VWC2: variants seen among roughly 807,000 people sequenced by gnomAD.
VWC2 encodes von Willebrand factor C domain containing 2, also known as brorin.
Under a neutral mutation model 29.8 loss-of-function variants are expected in VWC2, and 14 were observed. That is an observed-to-expected ratio of 0.47 (90% CI 0.31 to 0.74). VWC2 has a LOEUF of 0.74. Among genes scored for constraint, VWC2 ranks in the 30% least tolerant of loss-of-function variants. The probability of loss-of-function intolerance (pLI) is 0.05; values close to 1 mark genes in which losing one functional copy is unlikely to be tolerated. For missense variants in VWC2, 457 were observed against 459.8 expected, an observed-to-expected ratio of 0.99 and a Z score of 0.05; for synonymous variants, 213 against 199.0, an observed-to-expected ratio of 1.07 and a Z score of -0.59.
rs57768700 is a variant in VWC2 at position 49,859,790 on chromosome 7, GCA to G, written c.827-52210_827-52209del. ...GATGTGTCTTACAGTGCGCGTGCGTGCACACACACACACACACACACACACAC... is the reference window on the plus strand; with the variant it reads ...GATGTGTCTTACAGTGCGCGTGCGTGCACACACACACACACACACACACAC... On this transcript the variant is annotated intron_variant, in intron 3 of 3. Coordinates refer to ENST00000340652, the MANE Select transcript of VWC2 (RefSeq NM_198570.5). Among the ~76,000 whole-genome samples, 87 of 12,002 alleles carry G rather than the reference GCA, an allele frequency of 7.2e-3. 1 individual carries two copies. The highest frequency in any genetic ancestry group is 9.4e-3 in the Admixed American group (9 of 958). 7.9% of individuals were successfully genotyped at this position (12,002 alleles called of 152,430 possible). A position where few individuals can be genotyped will look rare whatever the true frequency, so the allele number is the denominator to read the frequency against.
intron 2 of VWC2, among the ~76,000 whole-genome samples, chr7:49,791,615 G>T (rs577836665): frequency 6.6e-6 from 1 of 152,286 alleles, no homozygotes; most frequent in African/African-American, 2.4e-5. Flanking sequence ...CTTTTCAGGA[G>T]TTATCTCCCA....
At chr7:49,825,156 T>C (rs1376796140) in intron 3 of VWC2, among the ~76,000 whole-genome samples, 1 of 152,210 alleles carries the variant, frequency 6.6e-6, no homozygotes, top group Non-Finnish European at 1.5e-5. Flanking sequence ...AATGAGTTTT[T>C]CATTTCAGTT....
chr7:49,822,654 G>A (rs1261436815), intron 3 of VWC2, among the ~76,000 whole-genome samples: 1 of 152,192 alleles, frequency 6.6e-6, no homozygotes, highest in African/African-American at 2.4e-5. Context: ...GGCCAGGCTG[G>A]TCTCGAACTC....
chr7:49,792,216 T>G (rs1236100570), intron 2 of VWC2, among the ~76,000 whole-genome samples: 1 of 152,218 alleles, frequency 6.6e-6, no homozygotes, highest in African/African-American at 2.4e-5. Context: ...AGCGGACGAC[T>G]GTAATTCATC....
intron 3 of VWC2, among the ~76,000 whole-genome samples, chr7:49,873,922 CA>C (rs1004741809): frequency 3.4e-5 from 5 of 147,922 alleles, no homozygotes; most frequent in African/African-American, 1.0e-4. Context: ...AAAAAAACAA[CA>C]AAAAAAAGAT....
chr7:49,839,606 CAA>C (rs5884132), intron 3 of VWC2, among the ~76,000 whole-genome samples: 4 of 141,690 alleles, frequency 2.8e-5, no homozygotes, highest in East Asian at 2.1e-4. Context: ...AAACAAGAGC[CAA>C]AAAAAAAAAA....
At chr7:49,911,821 C>T (rs1384080341) in intron 3 of VWC2, among the ~76,000 whole-genome samples, 3 of 151,548 alleles carry the variant, frequency 2.0e-5, no homozygotes, top group African/African-American at 4.9e-5. Flanking sequence ...TGCCTGAATC[C>T]GGGAGGCAGA....
At chr7:49,817,581 A>T (rs183365683) in intron 3 of VWC2, among the ~76,000 whole-genome samples, 43 of 152,342 alleles carry the variant, frequency 2.8e-4, no homozygotes, top group Admixed American at 2.4e-3. Flanking sequence ...CAGAAGACAC[A>T]TTCTGCTCTT....
chr7:49,827,285 C>G (rs1284362520), intron 3 of VWC2, among the ~76,000 whole-genome samples: 3 of 151,870 alleles, frequency 2.0e-5, no homozygotes, highest in African/African-American at 7.3e-5. Flanking sequence ...TAGAGTGAAG[C>G]TTTGCCCATT....
intron 2 of VWC2, among the ~76,000 whole-genome samples, chr7:49,783,244 G>A (rs1002652690): frequency 2.0e-5 from 3 of 152,062 alleles, no homozygotes; most frequent in African/African-American, 4.8e-5. Context: ...AGATGTGACG[G>A]GAAGTAAATG....
At chr7:49,895,643 A>G (rs1792349697) in intron 3 of VWC2, among the ~76,000 whole-genome samples, 1 of 152,226 alleles carries the variant, frequency 6.6e-6, no homozygotes, top group Admixed American at 6.5e-5. Context: ...ACACAATGTA[A>G]CATATCAGTA....
intron 3 of VWC2, among the ~76,000 whole-genome samples, chr7:49,910,014 T>C (rs1178262130): frequency 1.3e-5 from 2 of 151,620 alleles, no homozygotes; most frequent in East Asian, 3.9e-4. Flanking sequence ...GAGGCTAAGG[T>C]GGGAGGGTCC....
intron 3 of VWC2, among the ~76,000 whole-genome samples, chr7:49,870,938 A>C (rs919925485): frequency 3.9e-5 from 6 of 152,228 alleles, no homozygotes; most frequent in Non-Finnish European, 8.8e-5. Context: ...TCCAGGAAAT[A>C]TGATAAACTC....
rs116689136 is a variant in VWC2 at position 49,815,564 on chromosome 7, G to A, written c.826+12724G>A. 2.7e-3 allele frequency among the ~76,000 whole-genome samples: 414 copies of A among 152,226 alleles called. 2 individuals are homozygous for A. The highest frequency in any genetic ancestry group is 9.4e-3 in the African/African-American group (392 of 41,550). On this transcript the variant is annotated intron_variant, in intron 3 of 3. Coordinates refer to ENST00000340652, the MANE Select transcript of VWC2 (RefSeq NM_198570.5). ...CATAAACCTTACAATATTTTAGATG[G>A]TAATTTTTCCACAATGTATTATACT... is the stretch of plus-strand genomic sequence containing the variant.
At chr7:49,779,162 G>A (rs2128701080) in intron 2 of VWC2, among the ~76,000 whole-genome samples, 1 of 152,280 alleles carries the variant, frequency 6.6e-6, no homozygotes, top group South Asian at 2.1e-4. Context: ...GTGATGTGCA[G>A]GGTATTTGGC....
At chr7:49,854,135 T>G (rs1403579335) in intron 3 of VWC2, among the ~76,000 whole-genome samples, 3 of 152,186 alleles carry the variant, frequency 2.0e-5, no homozygotes, top group Non-Finnish European at 1.5e-5. Context: ...TTGGGTTGGT[T>G]CCAAGTCTTT....
At chr7:49,884,920 T>G (rs1231426598) in intron 3 of VWC2, among the ~76,000 whole-genome samples, 1 of 152,080 alleles carries the variant, frequency 6.6e-6, no homozygotes, top group Non-Finnish European at 1.5e-5. Flanking sequence ...TAAAAACTAA[T>G]TCCTTGACCA....
intron 3 of VWC2, among the ~76,000 whole-genome samples, chr7:49,809,104 G>A (rs1788941610): frequency 6.6e-6 from 1 of 151,944 alleles, no homozygotes; most frequent in Non-Finnish European, 1.5e-5. Flanking sequence ...TTGAAAGCTG[G>A]TTCTTAACAG....
At chr7:49,827,624 T>C (rs1252266564) in intron 3 of VWC2, among the ~76,000 whole-genome samples, 1 of 152,164 alleles carries the variant, frequency 6.6e-6, no homozygotes, top group Admixed American at 6.5e-5. Flanking sequence ...GCCATTATTT[T>C]CTACCATTCT....
Sources: allele counts gnomAD v4.1 joint callset (sites outside exome capture counted in the v4.1 genomes callset), GRCh38; gene constraint gnomAD v4.1.1; transcripts MANE v1.5; gene names NCBI Gene and HGNC (gene_info 2026-07-23, HGNC 2026-07-21).